The following ZNF429 variants were observed in gnomAD, a reference collection of about 807,000 sequenced individuals.
ZNF429 encodes the protein zinc finger protein 429.
Under a neutral mutation model 56.8 loss-of-function variants are expected in ZNF429, and 53 were observed. That is an observed-to-expected ratio of 0.93 (90% CI 0.75 to 1.17). The LOEUF (loss-of-function observed/expected upper bound fraction) is 1.17, where lower values mean the gene tolerates loss of function less well. ZNF429 is among the 50% of genes most tolerant of loss of function. The pLI, the probability that ZNF429 is intolerant of heterozygous loss-of-function variation, is 0.00. For synonymous variants in ZNF429, 278 were observed against 264.7 expected (o/e 1.05, Z -0.49); for missense variants, 849 against 788.4 (o/e 1.08, Z -0.92).
At chr19:21,531,660 C>T in intron 3 of ZNF429, among the ~76,000 whole-genome samples, 79 of 152,126 alleles carry the variant, frequency 5.2e-4, no homozygotes, top group African/African-American at 1.9e-3. Context: ...CAAAAATTAG[C>T]TGAGCGTGGT....
chr19:21,531,131 C>CAA, intron 3 of ZNF429, among the ~76,000 whole-genome samples: 1 of 44,780 alleles, frequency 2.2e-5, no homozygotes, highest in Non-Finnish European at 4.4e-5. Context: ...AAAAAAAAAC[C>CAA]AAAAAAAAAA....
In ZNF429 at chr19:21,540,168, T is replaced by C. The variant is rs1036814058; in HGVS notation, c.*2090T>C. Among the ~76,000 whole-genome samples, 10 of 152,308 alleles carry C rather than the reference T, an allele frequency of 6.6e-5. No individual in the cohort carries two copies. Among genetic ancestry groups the C allele is most frequent in the Middle Eastern group, 3.4e-3 (1 of 294 alleles). ...TTATATGTAAATTTGATTTTATTTG[T>C]TACCATGTTAAGACTATTGTGCATT... On this transcript the variant is annotated 3_prime_UTR_variant, in exon 4 of 4. Coordinates refer to ENST00000358491, the MANE Select transcript of ZNF429 (RefSeq NM_001001415.4).
chr19:21,512,034 C>T (rs528097713), intron 1 of ZNF429, among the ~76,000 whole-genome samples: 10 of 152,230 alleles, frequency 6.6e-5, no homozygotes, highest in African/African-American at 2.4e-4. Context: ...GCAGTACAGT[C>T]CAGCTTCGGC....
At chr19:21,512,050 A>G (rs1181473055) in intron 1 of ZNF429, among the ~76,000 whole-genome samples, 2 of 152,212 alleles carry the variant, frequency 1.3e-5, no homozygotes, top group East Asian at 3.9e-4. Context: ...TCGGCTCAGC[A>G]TCAGAGGGAG....
intron 1 of ZNF429, chr19:21,507,529 T>C (rs1055894510): frequency 2.0e-5 from 3 of 152,212 alleles, no homozygotes; most frequent in Non-Finnish European, 4.4e-5. Flanking sequence ...GGCATAGAGA[T>C]TTTATGAGAA....
intron 3 of ZNF429, among the ~76,000 whole-genome samples, chr19:21,534,147 TAAA>T: frequency 6.6e-6 from 1 of 151,294 alleles, no homozygotes; most frequent in Non-Finnish European, 1.5e-5. Context: ...AATATTTCTG[TAAA>T]AAACTGTGCT....
At position 21,536,868 on chromosome 19, in the gene ZNF429, T is replaced by G; in HGVS notation, c.815T>G (p.Leu272Arg). Residue 272 changes from leucine (L) to arginine (R), a missense_variant, in exon 4 of 4, where the codon CTT (leucine) becomes CGT (arginine). By Grantham distance (102) the Leu-to-Arg change is moderately radical (BLOSUM62 -2). Coordinates refer to ENST00000358491, the MANE Select transcript of ZNF429 (RefSeq NM_001001415.4). ...AAAGCCTTTAGCAGGTACTCAACCC[T>G]TACTACCCATAAGAGAATTCATTCT... is the stretch of plus-strand genomic sequence containing the variant. ...CGKAFSRYSTLTTHKRIHSGE... is the reference protein window; with the variant it reads ...CGKAFSRYSTRTTHKRIHSGE... The G allele has an allele frequency of 1.2e-6, 2 of 1,613,846 alleles. No individual in the cohort carries two copies. Among genetic ancestry groups the G allele is most frequent in the Non-Finnish European group, 1.7e-6 (2 of 1,179,980 alleles).
intron 1 of ZNF429, among the ~76,000 whole-genome samples, chr19:21,515,098 G>A (rs867214579): frequency 1.3e-5 from 2 of 151,388 alleles, no homozygotes; most frequent in South Asian, 2.1e-4. Context: ...GCACCACCAC[G>A]CTTGTCTAAT....
At chr19:21,531,106 CAAA>C in intron 3 of ZNF429, among the ~76,000 whole-genome samples, 1 of 17,560 alleles carries the variant, frequency 5.7e-5, no homozygotes, top group South Asian at 2.4e-3. Flanking sequence ...AACTCCATCT[CAAA>C]AAAAAAAAAA....
At position 21,506,876 on chromosome 19, in the gene ZNF429, C is replaced by T. The variant is rs558589903; in HGVS notation, c.3+1102C>T. 2.1e-3 allele frequency among the ~76,000 whole-genome samples: 305 copies of T among 142,294 alleles called. 2 individuals carry two copies. Among genetic ancestry groups the T allele is most frequent in the Non-Finnish European group, 2.7e-3 (182 of 66,400 alleles). 93.4% of individuals were successfully genotyped at this position (142,294 alleles called of 152,430 possible). On this transcript the variant is annotated intron_variant, in intron 1 of 3. Coordinates refer to ENST00000358491, the MANE Select transcript of ZNF429 (RefSeq NM_001001415.4). ...CTTCCGCCTCCGTGTTCAAGTAATT[C>T]TCCTGCCTCAGCCTCCTGAGTAGCT... is the stretch of plus-strand genomic sequence containing the variant.
At chr19:21,510,174 T>G (rs531416046) in intron 1 of ZNF429, among the ~76,000 whole-genome samples, 2 of 152,032 alleles carry the variant, frequency 1.3e-5, no homozygotes, top group Admixed American at 1.3e-4. Context: ...TTCATAGGGG[T>G]GAGCAAACAA....
chr19:21,511,562 G>T (rs922665630), intron 1 of ZNF429, among the ~76,000 whole-genome samples: 17 of 151,642 alleles, frequency 1.1e-4, no homozygotes, highest in Non-Finnish European at 1.5e-4. Flanking sequence ...ATGGGATGGC[G>T]GCTGGACAGA....
rs2033700821 is a variant in ZNF429, at chr19:21,536,842, C to T, written c.789C>T (p.Gly263=). Residue 263 remains glycine (G), a synonymous_variant, in exon 4 of 4, where the codon GGC becomes GGT. Transcript: ENST00000358491. ...AACCCTACAAATGTAAAGAATGTGG[C>T]AAAGCCTTTAGCAGGTACTCAACCC... is the stretch of plus-strand genomic sequence containing the variant. ...GEKPYKCKEC[G]KAFSRYSTLT... is the part of the protein sequence containing the mutation. 4.3e-6 allele frequency: 7 copies of T among 1,613,662 alleles called. No individual in the cohort carries two copies. The Admixed American group carries it at 6.7e-5, about 15-fold the overall frequency.
intron 1 of ZNF429, among the ~76,000 whole-genome samples, chr19:21,512,662 C>CAAAA (rs35584125): frequency 1.6e-4 from 13 of 81,384 alleles, no homozygotes; most frequent in African/African-American, 4.4e-4. Flanking sequence ...GACTCCATCT[C>CAAAA]AAAAAAAAAA....
At chr19:21,510,323 G>A (rs2032389765) in intron 1 of ZNF429, among the ~76,000 whole-genome samples, 1 of 152,130 alleles carries the variant, frequency 6.6e-6, no homozygotes, top group East Asian at 1.9e-4. Context: ...CAGACGGAGG[G>A]CAGCCCAAAG....
At position 21,505,709 on chromosome 19, in the gene ZNF429, C is replaced by G. The variant is rs777446990; in HGVS notation, c.-63C>G. On this transcript the variant is annotated 5_prime_UTR_variant, in exon 1 of 4. Transcript: ENST00000358491. ...TCTTAGAGGCCCAGCCTGTGTGGCCCTGTGACCCGCAGATATTGGGAGATA... is the reference window on the plus strand; with the variant it reads ...TCTTAGAGGCCCAGCCTGTGTGGCCGTGTGACCCGCAGATATTGGGAGATA... The G allele has an allele frequency of 1.9e-6, 3 of 1,587,654 alleles. No individual in the cohort carries two copies. Among genetic ancestry groups the G allele is most frequent in the Non-Finnish European group, 2.6e-6 (3 of 1,160,860 alleles).
chr19:21,535,457 TTTCTTTCTTTCTTTC>T lies in ZNF429; in HGVS notation c.227-820_227-806del. ...CTTTCTTTCTTTCTTTCTTTCTTTC[TTTCTTTCTTTCTTTC>T]TTTCTTTCTTTCTTTCTTTCTTTCT... On this transcript the variant is annotated intron_variant, in intron 3 of 3. Coordinates refer to ENST00000358491, the MANE Select transcript of ZNF429 (RefSeq NM_001001415.4). 4.3e-4 allele frequency among the ~76,000 whole-genome samples: 47 copies of T among 110,098 alleles called. 3 individuals are homozygous for T. Among genetic ancestry groups the T allele is most frequent in the African/African-American group, 1.7e-3 (41 of 24,194 alleles). The allele number at this position is 110,098 out of a possible 152,430, so 72.2% of individuals were successfully genotyped here. A position where few individuals can be genotyped will look rare whatever the true frequency, so the allele number is the denominator to read the frequency against.
At chr19:21,510,708 C>T (rs888852368) in intron 1 of ZNF429, among the ~76,000 whole-genome samples, 8 of 151,282 alleles carry the variant, frequency 5.3e-5, no homozygotes, top group African/African-American at 1.9e-4. Context: ...TCTGGTTTTC[C>T]TAGGCAGAGG....
rs1298215186 is a variant in ZNF429 at position 21,539,138 on chromosome 19, A to G, written c.*1060A>G. The stretch of plus-strand genomic sequence containing the variant: ...TATATTTTTGCATATGGCCATATGT[A>G]TAAAAATATTTAATTCAAAATTGAA... On this transcript the variant is annotated 3_prime_UTR_variant, in exon 4 of 4. Coordinates refer to ENST00000358491, the MANE Select transcript of ZNF429 (RefSeq NM_001001415.4). Among the ~76,000 whole-genome samples the G allele has an allele frequency of 6.6e-6, 1 of 151,986 alleles. No homozygotes were observed. Among genetic ancestry groups the G allele is most frequent in the Non-Finnish European group, 1.5e-5 (1 of 68,022 alleles).
Sources: allele counts gnomAD v4.1 joint callset (sites outside exome capture counted in the v4.1 genomes callset), GRCh38; gene constraint gnomAD v4.1.1; transcripts MANE v1.5; gene names NCBI Gene and HGNC (gene_info 2026-07-23, HGNC 2026-07-21).